SNX29: variants seen among roughly 807,000 people sequenced by gnomAD.
SNX29 encodes the protein sorting nexin-29.
In SNX29, 78 loss-of-function variants were observed where a neutral mutation model predicts 102.1. The ratio of observed to expected loss-of-function variants is 0.76; its 90% CI spans 0.64 to 0.92. SNX29 has a LOEUF of 0.92. SNX29 is among the 40% of genes least tolerant of loss of function. The pLI, the probability that SNX29 is intolerant of heterozygous loss-of-function variation, is 0.00. For missense variants in SNX29, 1,280 were observed against 1,061.7 expected (o/e 1.21, Z -2.86); for synonymous variants, 580 against 414.5 (o/e 1.40, Z -4.85).
At chr16:12,461,395 C>T (rs1242901336) in intron 18 of SNX29, among the ~76,000 whole-genome samples, 2 of 152,138 alleles carry the variant, frequency 1.3e-5, no homozygotes, top group Admixed American at 6.5e-5. Context: ...GGTAGAGGCA[C>T]GTTTGGCTTC....
intron 19 of SNX29, among the ~76,000 whole-genome samples, chr16:12,507,926 G>A (rs74920166): frequency 0.035 from 5,325 of 152,248 alleles, 226 homozygotes; most frequent in African/African-American, 0.1. Context: ...ATTGAATGGA[G>A]CTTTTGCAGA....
chr16:12,094,760 C>G (rs867234687), intron 11 of SNX29, among the ~76,000 whole-genome samples: 1 of 152,164 alleles, frequency 6.6e-6, no homozygotes, highest in African/African-American at 2.4e-5. Flanking sequence ...GACAGCTCCT[C>G]CCAACACAGC....
intron 16 of SNX29, among the ~76,000 whole-genome samples, chr16:12,365,558 T>C (rs2082441497): frequency 6.7e-6 from 1 of 150,368 alleles, no homozygotes; most frequent in Non-Finnish European, 1.5e-5. Flanking sequence ...TGCATGGTGG[T>C]GCGTGCCTGT....
intron 20 of SNX29, among the ~76,000 whole-genome samples, chr16:12,562,626 A>G (rs1001119148): frequency 1.3e-5 from 2 of 152,192 alleles, no homozygotes; most frequent in Admixed American, 6.5e-5. Flanking sequence ...GCTACAGGCT[A>G]TCAGGGTCTT....
intron 10 of SNX29, among the ~76,000 whole-genome samples, chr16:12,069,450 T>C (rs2051190706): frequency 6.6e-6 from 1 of 152,082 alleles, no homozygotes; most frequent in African/African-American, 2.4e-5. Context: ...GTATTTTTAG[T>C]GGAGATAGGG....
rs80188659 is a variant in SNX29 at position 12,114,411 on chromosome 16, T to A, written c.1403-12222T>A. Among the ~76,000 whole-genome samples, 246 of 152,250 alleles carry A rather than the reference T, an allele frequency of 1.6e-3. 5 individuals are homozygous for A. The East Asian group carries it at 0.044, about 27-fold the overall frequency. On this transcript the variant is annotated intron_variant, in intron 11 of 20. Transcript: ENST00000566228. ...TCCTGTTGAGGCTCTGTCTCTAAAA[T>A]GACATGATGGTCTTGAGAATGTTGA...
At chr16:12,329,649 C>G (rs2081236071) in intron 15 of SNX29, among the ~76,000 whole-genome samples, 1 of 152,206 alleles carries the variant, frequency 6.6e-6, no homozygotes, top group Admixed American at 6.5e-5. Flanking sequence ...ACCTTCGTGT[C>G]TATCCATGCC....
At chr16:11,978,197 C>G (rs922230140) in intron 1 of SNX29, among the ~76,000 whole-genome samples, 8 of 152,018 alleles carry the variant, frequency 5.3e-5, no homozygotes, top group Non-Finnish European at 1.0e-4. Flanking sequence ...GATAATCCAC[C>G]TTTGGTTGCA....
At chr16:12,144,007 G>A (rs1422657835) in intron 13 of SNX29, among the ~76,000 whole-genome samples, 1 of 152,176 alleles carries the variant, frequency 6.6e-6, no homozygotes, top group Non-Finnish European at 1.5e-5. Context: ...ATGTACCCAC[G>A]AAACACCCGG....
At chr16:12,557,054 C>G (rs1281448872) in intron 20 of SNX29, among the ~76,000 whole-genome samples, 1 of 141,074 alleles carries the variant, frequency 7.1e-6, no homozygotes. Flanking sequence ...GCTATGTGGC[C>G]CAGGCTGGCC....
intron 18 of SNX29, among the ~76,000 whole-genome samples, chr16:12,430,335 G>T (rs1333373238): frequency 1.3e-5 from 2 of 152,212 alleles, no homozygotes; most frequent in Non-Finnish European, 1.5e-5. Flanking sequence ...GGGTGGTTGT[G>T]AAGTGAAGGA....
chr16:12,081,459 A>C (rs2051873047), intron 11 of SNX29: 1 of 152,136 alleles, frequency 6.6e-6, no homozygotes, highest in Non-Finnish European at 1.5e-5. Flanking sequence ...ACTGACCAAG[A>C]AATCACAGCT....
chr16:12,268,398 G>A (rs141387212), intron 14 of SNX29, among the ~76,000 whole-genome samples: 1 of 152,240 alleles, frequency 6.6e-6, no homozygotes, highest in South Asian at 2.1e-4. Context: ...GGTAGAGCCA[G>A]ACTTTGACTC....
chr16:12,561,978 A>C (rs5018326), intron 20 of SNX29, among the ~76,000 whole-genome samples: 145,512 of 152,118 alleles, frequency 0.96, 69,748 homozygotes, highest in Middle Eastern at 0.99. Context: ...CAGAGTGTCT[A>C]CCAGCTTGGT....
chr16:12,463,855 A>T (rs2432627), intron 18 of SNX29, among the ~76,000 whole-genome samples: 4,069 of 98,538 alleles, frequency 0.041, 188 homozygotes, highest in East Asian at 0.3. Flanking sequence ...TGTGTGTGTG[A>T]GAGATGACAC....
chr16:12,556,203 AC>A (rs961667646), intron 20 of SNX29: 2 of 152,110 alleles, frequency 1.3e-5, no homozygotes, highest in African/African-American at 4.8e-5. Flanking sequence ...CTGAAATGCA[AC>A]CTAGGGTCTT....
chr16:12,475,367 A>T (rs1016209129), intron 18 of SNX29, among the ~76,000 whole-genome samples: 3 of 152,086 alleles, frequency 2.0e-5, no homozygotes, highest in Non-Finnish European at 4.4e-5. Flanking sequence ...AACAATAATG[A>T]CTTCTTGATT....
At chr16:12,369,950 C>T (rs2082622696) in intron 16 of SNX29, among the ~76,000 whole-genome samples, 1 of 152,204 alleles carries the variant, frequency 6.6e-6, no homozygotes. Flanking sequence ...GGCACAGTGG[C>T]TGATGCCTGT....
At chr16:12,536,342 G>T (rs141904406) in intron 20 of SNX29, among the ~76,000 whole-genome samples, 2 of 152,178 alleles carry the variant, frequency 1.3e-5, no homozygotes, top group East Asian at 1.9e-4. Flanking sequence ...CAGGAAACAA[G>T]CCGTACTGTC....
Sources: gnomAD v4.1 joint callset for allele counts (sites outside exome capture counted in the v4.1 genomes callset) on GRCh38, gnomAD v4.1.1 for gene constraint, MANE v1.5 for transcripts, NCBI Gene and HGNC (gene_info 2026-07-23, HGNC 2026-07-21) for gene names.